UNC5D: variants seen among roughly 807,000 people sequenced by gnomAD.
UNC5D encodes netrin receptor UNC5D.
Under a neutral mutation model 105.4 loss-of-function variants are expected in UNC5D, and 39 were observed. The observed-to-expected ratio is 0.37, with a 90% confidence interval of 0.29 to 0.48. The LOEUF (loss-of-function observed/expected upper bound fraction) is 0.48, where lower values mean the gene tolerates loss of function less well. UNC5D is among the 20% of genes least tolerant of loss of function. The probability of loss-of-function intolerance (pLI) is 0.98; values close to 1 mark genes in which losing one functional copy is unlikely to be tolerated. For synonymous variants in UNC5D, 452 were observed against 450.4 expected (o/e 1.00, Z -0.04); for missense variants, 991 against 1,202.4 (o/e 0.82, Z 2.60).
intron 1 of UNC5D, among the ~76,000 whole-genome samples, chr8:35,402,466 C>T (rs544437724): frequency 5.9e-5 from 9 of 152,096 alleles, no homozygotes; most frequent in Admixed American, 1.3e-4. Context: ...TGAATTATCT[C>T]GCACTGGGTT....
intron 1 of UNC5D, among the ~76,000 whole-genome samples, chr8:35,438,846 C>T (rs1398944379): frequency 6.6e-6 from 1 of 151,924 alleles, no homozygotes; most frequent in African/African-American, 2.4e-5. Context: ...ATCAGAGGCC[C>T]ATTTAGCAAA....
chr8:35,280,063 T>G (rs1396231969), intron 1 of UNC5D, among the ~76,000 whole-genome samples: 4 of 152,194 alleles, frequency 2.6e-5, no homozygotes, highest in Non-Finnish European at 5.9e-5. Context: ...TGGCATGACC[T>G]TGGCTCACTG....
chr8:35,313,033 G>A (rs1809015431), intron 1 of UNC5D, among the ~76,000 whole-genome samples: 1 of 152,132 alleles, frequency 6.6e-6, no homozygotes, highest in Non-Finnish European at 1.5e-5. Context: ...TCAACAAGTT[G>A]TTTGAAAAGA....
At chr8:35,294,833 T>C (rs1303916944) in intron 1 of UNC5D, among the ~76,000 whole-genome samples, 1 of 152,180 alleles carries the variant, frequency 6.6e-6, no homozygotes, top group Non-Finnish European at 1.5e-5. Flanking sequence ...ATGACTTTTC[T>C]CTGATTCTTG....
At chr8:35,446,121 A>G (rs1442760374) in intron 1 of UNC5D, among the ~76,000 whole-genome samples, 1 of 151,920 alleles carries the variant, frequency 6.6e-6, no homozygotes, top group Non-Finnish European at 1.5e-5. Context: ...AGCAGTATAC[A>G]CTGACCTCAA....
At chr8:35,325,920 T>A (rs541873240) in intron 1 of UNC5D, among the ~76,000 whole-genome samples, 1 of 152,202 alleles carries the variant, frequency 6.6e-6, no homozygotes, top group African/African-American at 2.4e-5. Context: ...CTGGGTATTA[T>A]GCACAAGTTT....
intron 1 of UNC5D, among the ~76,000 whole-genome samples, chr8:35,535,185 C>A (rs1261412226): frequency 2.6e-5 from 4 of 152,152 alleles, no homozygotes; most frequent in Non-Finnish European, 5.9e-5. Context: ...AAATAGCAAA[C>A]TATAATGGCC....
At chr8:35,657,080 G>GTATATATATATATA (rs3077002) in intron 4 of UNC5D, among the ~76,000 whole-genome samples, 20 of 46,516 alleles carry the variant, frequency 4.3e-4, no homozygotes, top group Non-Finnish European at 5.8e-4. Flanking sequence ...GTGTGTGTGT[G>GTATATATATATATA]TATATATATA....
intron 4 of UNC5D, among the ~76,000 whole-genome samples, chr8:35,658,995 G>A (rs1270586915): frequency 2.0e-5 from 3 of 152,138 alleles, no homozygotes; most frequent in African/African-American, 7.2e-5. Flanking sequence ...ATAGAAAAAT[G>A]GAAGTCATCA....
intron 1 of UNC5D, among the ~76,000 whole-genome samples, chr8:35,304,964 G>C (rs1400116766): frequency 6.6e-6 from 1 of 152,084 alleles, no homozygotes; most frequent in Non-Finnish European, 1.5e-5. Context: ...ATTTATATTA[G>C]TTTGAAAGCC....
intron 1 of UNC5D, among the ~76,000 whole-genome samples, chr8:35,285,166 A>C (rs1806499284): frequency 6.6e-6 from 1 of 152,172 alleles, no homozygotes; most frequent in Admixed American, 6.5e-5. Flanking sequence ...ATCAACTCCA[A>C]ATTGCAGCTA....
At chr8:35,562,820 ATT>A (rs1817054266) in intron 2 of UNC5D, among the ~76,000 whole-genome samples, 1 of 151,950 alleles carries the variant, frequency 6.6e-6, no homozygotes, top group Non-Finnish European at 1.5e-5. Flanking sequence ...ATGTAATCCT[ATT>A]TGTCTATTTT....
At chr8:35,528,195 G>C (rs1352629097) in intron 1 of UNC5D, among the ~76,000 whole-genome samples, 16 of 139,200 alleles carry the variant, frequency 1.1e-4, no homozygotes, top group East Asian at 2.3e-4. Context: ...ATCCCTCCCC[G>C]CTCCCCCCAC....
At chr8:35,570,146 T>C (rs1431796325) in intron 3 of UNC5D, among the ~76,000 whole-genome samples, 2 of 152,220 alleles carry the variant, frequency 1.3e-5, no homozygotes, top group Non-Finnish European at 2.9e-5. Flanking sequence ...ATTCATGGTG[T>C]ATAGTATTAT....
chr8:35,726,303 C>G lies in UNC5D; in HGVS notation c.1455C>G (p.Val485=), dbSNP rs1828867066. The G allele has an allele frequency of 1.2e-6, 2 of 1,614,062 alleles. No individual in the cohort carries two copies. The highest frequency in any genetic ancestry group is 1.7e-6 in the Non-Finnish European group (2 of 1,180,004). ...CTTTGTCGGACATCAAAGTGAAAGT[C>G]CAGAGCTCGTTCATGGTTTCCCTGG... The part of the protein sequence containing the change: ...FNPLSDIKVK[V]QSSFMVSLGV... The change falls in exon 10 of 17, where the codon GTC becomes GTG. Residue 485 remains valine, a synonymous_variant. Transcript: ENST00000404895.
intron 1 of UNC5D, among the ~76,000 whole-genome samples, chr8:35,317,726 A>G (rs1809411853): frequency 6.6e-6 from 1 of 152,124 alleles, no homozygotes; most frequent in South Asian, 2.1e-4. Context: ...ATTGTCACAT[A>G]TTTTACGTGA....
intron 1 of UNC5D, among the ~76,000 whole-genome samples, chr8:35,438,900 T>G (rs1037922312): frequency 1.3e-5 from 2 of 151,966 alleles, no homozygotes; most frequent in African/African-American, 2.4e-5. Flanking sequence ...AATTCTGAGG[T>G]CAGGTCTGGC....
intron 4 of UNC5D, among the ~76,000 whole-genome samples, chr8:35,645,869 G>C (rs1447506434): frequency 6.6e-6 from 1 of 151,892 alleles, no homozygotes; most frequent in Non-Finnish European, 1.5e-5. Flanking sequence ...CCTTTCTCTT[G>C]AGCTCCTGGT....
intron 7 of UNC5D, among the ~76,000 whole-genome samples, chr8:35,689,637 G>A (rs1826254886): frequency 6.6e-6 from 1 of 152,192 alleles, no homozygotes; most frequent in African/African-American, 2.4e-5. Context: ...AAGGCTGTCA[G>A]GCAGGAAGAG....
Sources: gnomAD v4.1 joint callset for allele counts (sites outside exome capture counted in the v4.1 genomes callset) on GRCh38, gnomAD v4.1.1 for gene constraint, MANE v1.5 for transcripts, NCBI Gene and HGNC (gene_info 2026-07-23, HGNC 2026-07-21) for gene names.